The following ADAMTS16 variants were observed in gnomAD, a reference collection of about 807,000 sequenced individuals.
ADAMTS16 encodes ADAM metallopeptidase with thrombospondin type 1 motif 16, also known as A disintegrin and metalloproteinase with thrombospondin motifs 16.
In ADAMTS16, 94 loss-of-function variants were observed where a neutral mutation model predicts 145.8. The observed-to-expected ratio is 0.64, with a 90% confidence interval of 0.55 to 0.77. The LOEUF is 0.77. Ranked by LOEUF, ADAMTS16 falls within the 30% of genes least tolerant of loss-of-function variation. The pLI, the probability that ADAMTS16 is intolerant of heterozygous loss-of-function variation, is 0.00. For synonymous variants in ADAMTS16, 659 were observed against 604.3 expected (o/e 1.09, Z -1.33); for missense variants, 1,585 against 1,591.5 (o/e 1.00, Z 0.07).
chr5:5,266,394 G>A (rs780821557), intron 18 of ADAMTS16, among the ~76,000 whole-genome samples: 7 of 152,220 alleles, frequency 4.6e-5, no homozygotes, highest in Non-Finnish European at 7.3e-5. Flanking sequence ...CAGGAGAGCT[G>A]GTGACCCCAG....
rs372030712 is a variant in ADAMTS16 at position 5,303,605 on chromosome 5, C to A, written c.3025C>A (p.Arg1009=). The A allele has an allele frequency of 7.7e-5, 125 of 1,614,002 alleles. No homozygotes were observed. The highest frequency in any genetic ancestry group is 1.0e-4 in the Non-Finnish European group (123 of 1,180,026). The change falls in exon 20 of 23, where the codon CGG becomes AGG. Residue 1009 remains arginine, a synonymous_variant. Transcript: ENST00000274181. ...CACCTGTGGGAAGGGGTGGAGGAAG[C>A]GGGCAGTGGCCTGTAAGAGCACCAA... is the stretch of plus-strand genomic sequence containing the variant. ...SHTCGKGWRK[R]AVACKSTNPS... is the part of the protein sequence containing the mutation.
rs1456044891 is a variant in ADAMTS16, at chr5:5,306,600, T to C, written c.3283T>C (p.Cys1095Arg). The change falls in exon 21 of 23, where the codon TGC becomes CGC. Residue 1095 changes from cysteine (C) to arginine (R), a missense_variant. Cys to Arg is a radical substitution (Grantham distance 180). This residue lies in a region of ADAMTS16 where 834 missense variants were observed against 811.7 expected (regional missense o/e 1.03). Transcript: ENST00000274181. The part of the protein sequence containing the change: ...GKYRELASKK[C>R]SHLPKPSLEL... ...GTATCGAGAGCTGGCCTCAAAGAAG[T>C]GCTCACATTTGCCGAAGCCCAGCCT... The C allele has an allele frequency of 6.2e-7, 1 of 1,614,148 alleles. No individual in the cohort carries two copies. The highest frequency in any genetic ancestry group is 1.7e-5 in the Admixed American group (1 of 60,022).
At chr5:5,239,013 A>G (rs1404370329) in intron 14 of ADAMTS16, 138 bp from the exon 15 acceptor site, 4 of 938,954 alleles carry the variant, frequency 4.3e-6, no homozygotes, top group Non-Finnish European at 5.9e-6. Context: ...TAGGTATCCA[A>G]TAAATATTTG....
intron 17 of ADAMTS16, among the ~76,000 whole-genome samples, chr5:5,245,588 G>A (rs2126398787): frequency 6.6e-6 from 1 of 152,214 alleles, no homozygotes; most frequent in African/African-American, 2.4e-5. Context: ...CTCTCTCTTT[G>A]AGAATTTAAG....
Position 5,191,883 on chromosome 5 carries a change from A to C in ADAMTS16, c.1313+93A>C, listed in dbSNP as rs1235303799. ...ATTGACTCATCAAGTCAAGTCCATG[A>C]AGGGAATTCACATATATCCAACGAG... On this transcript the variant is annotated intron_variant, in intron 8 of 22. Coordinates refer to ENST00000274181, the MANE Select transcript of ADAMTS16 (RefSeq NM_139056.4). 5.4e-6 allele frequency: 5 copies of C among 919,598 alleles called. No homozygotes were observed. In the African/African-American group the frequency reaches 8.3e-5, roughly 15 times the overall value. 57.0% of individuals were successfully genotyped at this position (919,598 alleles called of 1,614,324 possible). A position where few individuals can be genotyped will look rare whatever the true frequency, so the allele number is the denominator to read the frequency against.
rs1318824052 is a variant in ADAMTS16, at chr5:5,146,472, C to A, written c.501+17C>A. 1.9e-6 allele frequency: 3 copies of A among 1,579,186 alleles called. No homozygotes were observed. In the Admixed American group the frequency reaches 5.3e-5, roughly 28 times the overall value. On this transcript the variant is annotated intron_variant, in intron 3 of 22. Coordinates refer to ENST00000274181, the MANE Select transcript of ADAMTS16 (RefSeq NM_139056.4). ...CAAGGCTTGGTGAGTACAGCGCAAG[C>A]CCCAGGTAGGGAGGCGAGGTTGGTG...
At chr5:5,303,839 T>C in intron 20 of ADAMTS16, 73 bp downstream of exon 20, 1 of 1,519,338 alleles carries the variant, frequency 6.6e-7, no homozygotes, top group Non-Finnish European at 9.0e-7. Context: ...CTCCTGGTTT[T>C]TCTCTTCTCA....
intron 3 of ADAMTS16, among the ~76,000 whole-genome samples, chr5:5,156,961 C>T (rs2126520678): frequency 6.6e-6 from 1 of 152,296 alleles, no homozygotes; most frequent in African/African-American, 2.4e-5. Context: ...ATCAGAAACT[C>T]CTAGTTGCAC....
At chr5:5,170,905 C>T (rs1252041162) in intron 3 of ADAMTS16, among the ~76,000 whole-genome samples, 1 of 152,138 alleles carries the variant, frequency 6.6e-6, no homozygotes, top group Non-Finnish European at 1.5e-5. Flanking sequence ...GTTGCCTGTA[C>T]TTATGAGGTA....
At chr5:5,298,029 A>T (rs6555347) in intron 18 of ADAMTS16, among the ~76,000 whole-genome samples, 1 of 152,038 alleles carries the variant, frequency 6.6e-6, no homozygotes, top group East Asian at 1.9e-4. Context: ...CCGTTCCCAC[A>T]TGAAAAACCA....
chr5:5,239,726 G>A lies in ADAMTS16; in HGVS notation c.2324G>A (p.Arg775His), dbSNP rs539873933. The part of the protein sequence containing the change: ...VTIPSGARSI[R>H]IYEMNVSTSY... Reference sequence around the variant, plus strand: ...ATTCCTTCTGGAGCCCGGAGTATCCGCATCTATGAAATGAACGTCTCTACC... The same window carrying A: ...ATTCCTTCTGGAGCCCGGAGTATCCACATCTATGAAATGAACGTCTCTACC... The change falls in exon 16 of 23, where the codon CGC becomes CAC. Residue 775 changes from arginine (R) to histidine (H), a missense_variant. Coordinates refer to ENST00000274181, the MANE Select transcript of ADAMTS16 (RefSeq NM_139056.4). The A allele has an allele frequency of 6.8e-6, 11 of 1,614,074 alleles. No homozygotes were observed. The Admixed American group carries it at 8.3e-5, about 12-fold the overall frequency.
rs1738391120 is a variant in ADAMTS16, at chr5:5,269,659, T to C, written c.2789+6876T>C. 6.6e-6 allele frequency among the ~76,000 whole-genome samples: 1 copy of C among 152,102 alleles called. No homozygotes were observed. The highest frequency in any genetic ancestry group is 1.5e-5 in the Non-Finnish European group (1 of 68,024). On this transcript the variant is annotated intron_variant, in intron 18 of 22. Transcript: ENST00000274181. This position sits in a 1 kb window ranked among gnomAD's most constrained non-coding sequence, Gnocchi z 4.3. ...AGCCTCTAGAGGAGCCTTTGGAAGTTACTATTTTTTCCATATAAGTGACCC... is the reference window on the plus strand; with the variant it reads ...AGCCTCTAGAGGAGCCTTTGGAAGTCACTATTTTTTCCATATAAGTGACCC...
chr5:5,183,120 A>G (rs1735387627), intron 4 of ADAMTS16, among the ~76,000 whole-genome samples: 1 of 152,192 alleles, frequency 6.6e-6, no homozygotes, highest in African/African-American at 2.4e-5. Flanking sequence ...TGCTTGTTAA[A>G]CCATCAGTGC....
rs575685071 is a variant in ADAMTS16, at chr5:5,262,038, T to C, written c.2663-619T>C. Among the ~76,000 whole-genome samples, 321 of 152,352 alleles carry C rather than the reference T, an allele frequency of 2.1e-3. 1 individual carries two copies. Among genetic ancestry groups the C allele is most frequent in the African/African-American group, 7.3e-3 (303 of 41,574 alleles). On this transcript the variant is annotated intron_variant, in intron 17 of 22. Coordinates refer to ENST00000274181, the MANE Select transcript of ADAMTS16 (RefSeq NM_139056.4). ...ATCCCTTTGGGATAAATTTAATTAA[T>C]TGAAATATTGAACAAATATAGGAAT...
Position 5,262,708 on chromosome 5 carries a change from A to C in ADAMTS16, c.2714A>C (p.Asn905Thr). The change falls in exon 18 of 23, where the codon AAT becomes ACT. Residue 905 changes from asparagine to threonine, a missense_variant. By Grantham distance (65) the Asn-to-Thr change is moderately conservative. This residue lies in a region of ADAMTS16 where 834 missense variants were observed against 811.7 expected (regional missense o/e 1.03). Coordinates refer to ENST00000274181, the MANE Select transcript of ADAMTS16 (RefSeq NM_139056.4). ...TACAGAGACCTGAAGTTTCAAGTAA[A>C]TATGTCCTTCTGCAATCCCAAGACA... is the stretch of plus-strand genomic sequence containing the variant. ...GCYRDLKFQV[N>T]MSFCNPKTRP... 6.2e-7 allele frequency: 1 copy of C among 1,614,218 alleles called. No homozygotes were observed. The highest frequency in any genetic ancestry group is 1.1e-5 in the South Asian group (1 of 91,088).
intron 3 of ADAMTS16, among the ~76,000 whole-genome samples, chr5:5,161,023 T>C (rs1378167065): frequency 6.6e-6 from 1 of 152,226 alleles, no homozygotes; most frequent in Non-Finnish European, 1.5e-5. Context: ...CATACCTTAG[T>C]AATCACATTA....
chr5:5,222,730 A>T, intron 10 of ADAMTS16, 59 bp from the exon 11 acceptor site: 1 of 1,368,324 alleles, frequency 7.3e-7, no homozygotes. Context: ...TGATATTTTT[A>T]TTATAGATGA....
chr5:5,189,979 G>A lies in ADAMTS16; in HGVS notation c.1056G>A (p.Leu352=). Residue 352 remains leucine (L), a synonymous_variant, in exon 7 of 23, where the codon CTG becomes CTA. Coordinates refer to ENST00000274181, the MANE Select transcript of ADAMTS16 (RefSeq NM_139056.4). ...CCTTGTCTCTTGCACAGCCAGGACT[G>A]GTGATAAGTCACCACGCAGACCACA... ...LILLEDEQPG[L]VISHHADHTL... is the part of the protein sequence containing the mutation. 3 of 1,610,736 alleles carry A rather than the reference G, an allele frequency of 1.9e-6. No individual in the cohort carries two copies. The highest frequency in any genetic ancestry group is 2.5e-6 in the Non-Finnish European group (3 of 1,178,858).
chr5:5,254,132 C>CT (rs942340845), intron 17 of ADAMTS16, among the ~76,000 whole-genome samples: 1 of 152,124 alleles, frequency 6.6e-6, no homozygotes, highest in Non-Finnish European at 1.5e-5. Context: ...CTTCTCTGGG[C>CT]TTTTTACATT....
Sources: gnomAD v4.1 joint callset for allele counts (sites outside exome capture counted in the v4.1 genomes callset) on GRCh38, gnomAD v4.1.1 for gene constraint, gnomAD v4.1.1 regional missense constraint, Gnocchi (gnomAD v3.1) non-coding constraint, MANE v1.5 for transcripts, NCBI Gene and HGNC (gene_info 2026-07-23, HGNC 2026-07-21) for gene names.